Variants in SEMA3A observed in about 807,000 individuals in gnomAD.
SEMA3A encodes semaphorin-3A.
In SEMA3A, 29 loss-of-function variants were observed where a neutral mutation model predicts 97.9. The ratio of observed to expected loss-of-function variants is 0.30; its 90% CI spans 0.22 to 0.40. The LOEUF is 0.40. SEMA3A is among the 10% of genes least tolerant of loss of function. The pLI, the probability that SEMA3A is intolerant of heterozygous loss-of-function variation, is 1.00. For synonymous variants in SEMA3A, 321 were observed against 323.7 expected, an observed-to-expected ratio of 0.99 and a Z score of 0.09; for missense variants, 763 against 951.3, an observed-to-expected ratio of 0.80 and a Z score of 2.60.
chr7:84,340,474 T>C lies in SEMA3A; in HGVS notation c.-169+31350A>G, dbSNP rs190408077. ...TAATAAATTTGTAATTGTTTCAACATTTCTGATGAAAATGCATCAAAAGCC... is the reference window on the plus strand; with the variant it reads ...TAATAAATTTGTAATTGTTTCAACACTTCTGATGAAAATGCATCAAAAGCC... On this transcript the variant is annotated intron_variant, in intron 2 of 3. Transcript: ENST00000424555. 3.9e-5 allele frequency among the ~76,000 whole-genome samples: 6 copies of C among 152,278 alleles called. No individual in the cohort carries two copies. In the East Asian group the frequency reaches 1.2e-3, roughly 29 times the overall value.
chr7:84,269,788 G>T (rs560205299), intron 3 of SEMA3A, among the ~76,000 whole-genome samples: 2 of 151,966 alleles, frequency 1.3e-5, no homozygotes, highest in African/African-American at 4.8e-5. Flanking sequence ...TTACCTATGC[G>T]ACATAGATTA....
intron 5 of SEMA3A, among the ~76,000 whole-genome samples, chr7:84,055,010 C>T (rs185601385): frequency 0.011 from 1,590 of 148,708 alleles, 16 homozygotes; most frequent in Non-Finnish European, 0.015. Flanking sequence ...CCCAGTTAGG[C>T]TGCTCAGGGG....
intron 3 of SEMA3A, among the ~76,000 whole-genome samples, chr7:84,291,297 T>C (rs556293367): frequency 1.8e-4 from 27 of 152,276 alleles, no homozygotes; most frequent in African/African-American, 5.8e-4. Context: ...TTGCATGATA[T>C]AGATTTGCAT....
At position 83,961,761 on chromosome 7, in the gene SEMA3A, C is replaced by T. The variant is rs1229736172; in HGVS notation, c.1926G>A (p.Lys642=). 13 of 1,613,934 alleles carry T rather than the reference C, an allele frequency of 8.1e-6. No homozygotes were observed. Among genetic ancestry groups the T allele is most frequent in the Non-Finnish European group, 1.1e-5 (13 of 1,179,908 alleles). The change falls in exon 17 of 17, where the codon AAG becomes AAA. Residue 642 remains lysine (K), a synonymous_variant. Coordinates refer to ENST00000265362, the MANE Select transcript of SEMA3A (RefSeq NM_006080.3). ...CATGGCAGAGGTAATTGCCTGAATC[C>T]TTCTGTTGTAGACTACGTAGCAGAA... ...QGLLLRSLQQ[K]DSGNYLCHAV... is the part of the protein sequence containing the mutation.
At chr7:84,230,413 T>C (rs1041545015) in intron 3 of SEMA3A, among the ~76,000 whole-genome samples, 1 of 151,968 alleles carries the variant, frequency 6.6e-6, no homozygotes, top group Non-Finnish European at 1.5e-5. Flanking sequence ...TACTTTGGAG[T>C]GAGGTCCACA....
intron 5 of SEMA3A, among the ~76,000 whole-genome samples, chr7:84,049,633 C>T (rs1194337502): frequency 1.3e-5 from 2 of 151,762 alleles, no homozygotes; most frequent in African/African-American, 2.4e-5. Context: ...TTTAAAAATG[C>T]CTGTTCAGCA....
At chr7:84,351,213 G>A (rs1359709352) in intron 2 of SEMA3A, among the ~76,000 whole-genome samples, 1 of 151,956 alleles carries the variant, frequency 6.6e-6, no homozygotes, top group Admixed American at 6.6e-5. Flanking sequence ...AATGATTCAG[G>A]TGGCTCTCAG....
At chr7:84,094,337 T>C (rs1456866512) in intron 4 of SEMA3A, among the ~76,000 whole-genome samples, 1 of 152,040 alleles carries the variant, frequency 6.6e-6, no homozygotes, top group Non-Finnish European at 1.5e-5. Flanking sequence ...TGCCTTTTTT[T>C]TTTTCCCATG....
At chr7:84,374,305 A>T (rs1803047454) in intron 1 of SEMA3A, among the ~76,000 whole-genome samples, 1 of 152,230 alleles carries the variant, frequency 6.6e-6, no homozygotes, top group South Asian at 2.1e-4. Flanking sequence ...TTTATACCCA[A>T]AGATGTTCAC....
chr7:84,195,495 A>C (rs1798202535), upstream of SEMA3A: 1 of 151,872 alleles, frequency 6.6e-6, no homozygotes, highest in African/African-American at 2.4e-5. Context: ...AAGGTTTTAA[A>C]GCCTTGTTAG....
intron 3 of SEMA3A, among the ~76,000 whole-genome samples, chr7:84,203,777 C>T (rs565137609): frequency 1.4e-4 from 21 of 151,656 alleles, no homozygotes; most frequent in South Asian, 1.3e-3. Flanking sequence ...GTGATCCAAC[C>T]GCCCCAGCCT....
intron 9 of SEMA3A, among the ~76,000 whole-genome samples, chr7:84,009,905 C>CAA (rs3074687): frequency 0.027 from 2,441 of 91,410 alleles, 55 homozygotes; most frequent in African/African-American, 0.043. Context: ...ACACTGGTTA[C>CAA]AAAAAAAAAA....
chr7:84,051,975 GT>G (rs1439594398), intron 5 of SEMA3A, among the ~76,000 whole-genome samples: 23 of 150,670 alleles, frequency 1.5e-4, no homozygotes, highest in African/African-American at 5.1e-4. Context: ...TAATCATGTG[GT>G]TTTTGTCTTT....
chr7:84,293,321 T>G (rs1157689010), intron 3 of SEMA3A, among the ~76,000 whole-genome samples: 4 of 152,042 alleles, frequency 2.6e-5, no homozygotes, highest in African/African-American at 7.2e-5. Flanking sequence ...AGCTTCTCAA[T>G]GGAGTTGGAA....
chr7:84,172,581 C>T (rs976770009), intron 1 of SEMA3A, among the ~76,000 whole-genome samples: 2 of 151,976 alleles, frequency 1.3e-5, no homozygotes, highest in African/African-American at 2.4e-5. Context: ...GCCACCACGC[C>T]CGGCTCATTT....
intron 2 of SEMA3A, among the ~76,000 whole-genome samples, chr7:84,330,315 C>G (rs1292870735): frequency 1.3e-5 from 2 of 151,972 alleles, no homozygotes; most frequent in African/African-American, 2.4e-5. Flanking sequence ...GTGAAGTTAT[C>G]TCAAAAATAA....
chr7:84,250,540 G>A (rs895696134), intron 3 of SEMA3A, among the ~76,000 whole-genome samples: 1 of 152,112 alleles, frequency 6.6e-6, no homozygotes, highest in African/African-American at 2.4e-5. Context: ...CATCTGTGTG[G>A]GACCATGTGA....
intron 2 of SEMA3A, among the ~76,000 whole-genome samples, chr7:84,330,818 C>T (rs1801893500): frequency 6.6e-6 from 1 of 151,984 alleles, no homozygotes; most frequent in Non-Finnish European, 1.5e-5. Flanking sequence ...CCCTCATATT[C>T]TGAGATAAGA....
chr7:84,117,914 T>A (rs1247973275), intron 3 of SEMA3A, among the ~76,000 whole-genome samples: 1 of 152,250 alleles, frequency 6.6e-6, no homozygotes, highest in African/African-American at 2.4e-5. Flanking sequence ...CTTAACATGA[T>A]GACTAGCGCT....
Sources: allele counts gnomAD v4.1 joint callset (sites outside exome capture counted in the v4.1 genomes callset), GRCh38; gene constraint gnomAD v4.1.1; transcripts MANE v1.5; gene names NCBI Gene and HGNC (gene_info 2026-07-23, HGNC 2026-07-21).